The following ADAMTS7 variants were observed in gnomAD, a reference collection of about 807,000 sequenced individuals.
ADAMTS7 encodes the protein A disintegrin and metalloproteinase with thrombospondin motifs 7.
In ADAMTS7, 89 loss-of-function variants were observed where a neutral mutation model predicts 172.6. The observed-to-expected ratio is 0.52, with a 90% CI of 0.43 to 0.61. The LOEUF (loss-of-function observed/expected upper bound fraction) is 0.61, where lower values mean the gene tolerates loss of function less well. ADAMTS7 is among the 20% of genes least tolerant of loss of function. The pLI is 0.00. For synonymous variants in ADAMTS7, 885 were observed against 978.4 expected (o/e 0.90, Z 1.78); for missense variants, 1,973 against 2,355.6 (o/e 0.84, Z 3.36).
intron 13 of ADAMTS7, among the ~76,000 whole-genome samples, chr15:78,773,734 T>C (rs537131019): frequency 2.0e-5 from 3 of 152,210 alleles, no homozygotes; most frequent in African/African-American, 4.8e-5. Flanking sequence ...AGGGCTACTC[T>C]TTGCGGCTCA....
intron 19 of ADAMTS7, 34 bp from the exon 20 acceptor site, chr15:78,764,741 T>G (rs1156748208): frequency 1.1e-5 from 16 of 1,460,444 alleles, no homozygotes; most frequent in South Asian, 2.8e-5. Flanking sequence ...GCCAGGCAGA[T>G]CCCATCCCCG....
intron 23 of ADAMTS7, 144 bp from the exon 24 acceptor site, chr15:78,759,722 AGTTG>A: frequency 9.2e-7 from 1 of 1,088,656 alleles, no homozygotes; most frequent in South Asian, 1.8e-5. Context: ...CCCGAACCGG[AGTTG>A]CAGGTCTCCA....
At chr15:78,773,056 C>T (rs1249985980) in intron 14 of ADAMTS7, 27 bp downstream of exon 14, 1 of 1,457,118 alleles carries the variant, frequency 6.9e-7, no homozygotes, top group Non-Finnish European at 9.4e-7. Flanking sequence ...AGAGCATACC[C>T]CTCCCCACAG....
intron 6 of ADAMTS7, 109 bp from the exon 7 acceptor site, chr15:78,789,947 T>C (rs2055556620): frequency 2.1e-6 from 3 of 1,427,352 alleles, no homozygotes; most frequent in Non-Finnish European, 2.8e-6. Flanking sequence ...GAAAAGGATG[T>C]CTCTCCCACC....
intron 4 of ADAMTS7, among the ~76,000 whole-genome samples, chr15:78,793,352 CTTTTTTTTTTTTTTCTTTTGAGACAGAG>C (rs1567234027): frequency 6.9e-6 from 1 of 144,758 alleles, no homozygotes; most frequent in Non-Finnish European, 1.5e-5. Context: ...TCTGTTTTAC[CTTTTTTTTTTTTTTCTTTTGAGACAGAG>C]TCTCACTTTG....
rs1205778785 is a variant in ADAMTS7, at chr15:78,765,902, G to A, written c.4009C>T (p.Leu1337Phe). Residue 1337 changes from leucine to phenylalanine, a missense_variant, in exon 19 of 24, where the codon CTC (leucine) becomes TTC (phenylalanine). Physicochemically the swap from Leu to Phe is conservative, Grantham distance 22. Around this residue, in one of 8 missense-constraint regions of ADAMTS7, gnomAD observed 771 missense variants for 952.6 expected, o/e 0.81. Coordinates refer to ENST00000388820, the MANE Select transcript of ADAMTS7 (RefSeq NM_014272.5). ...CCGAGGCCAGTCAGGGTTGTGGGGA[G>A]GAAGGTCCCCCACACTGCCACAGTC... ...LQTVAVWGTF[L>F]PTTLTGLGHM... 5 of 1,576,478 alleles carry A rather than the reference G, an allele frequency of 3.2e-6. No individual in the cohort carries two copies. The Admixed American group carries it at 7.3e-5, about 23-fold the overall frequency.
rs767761688 is a variant in ADAMTS7 at position 78,790,810 on chromosome 15, G to A, written c.904-16C>T. The A allele has an allele frequency of 6.2e-6, 10 of 1,612,702 alleles. No homozygotes were observed. Among genetic ancestry groups the A allele is most frequent in the Non-Finnish European group, 8.5e-6 (10 of 1,179,638 alleles). On this transcript the variant is annotated splice_polypyrimidine_tract_variant and intron_variant, in intron 5 of 23. Transcript: ENST00000388820. ...TTAGGTCCTCCTGGGGGCAGAGAGA[G>A]TGACTGCTCATGCCTCCCCTGAGTT...
rs1429535762 is a variant in ADAMTS7, at chr15:78,777,568, A to C, written c.1343T>G (p.Leu448Arg). The C allele has an allele frequency of 6.2e-7, 1 of 1,606,702 alleles. No individual in the cohort carries two copies. The highest frequency in any genetic ancestry group is 1.1e-5 in the South Asian group (1 of 89,540). Residue 448 changes from leucine (L) to arginine (R), a missense_variant, in exon 9 of 24, where the codon CTG (leucine) becomes CGG (arginine). Around this residue, in one of 8 missense-constraint regions of ADAMTS7, gnomAD observed 526 missense variants for 662.9 expected, o/e 0.79. Coordinates refer to ENST00000388820, the MANE Select transcript of ADAMTS7 (RefSeq NM_014272.5). ...AATGTCCTTGGCAGGAGGGTCGTCCAGGCACAGGCCCCACCCACGGCTAAA... is the reference window on the plus strand; with the variant it reads ...AATGTCCTTGGCAGGAGGGTCGTCCCGGCACAGGCCCCACCCACGGCTAAA... The part of the protein sequence containing the change: ...RFLDRGWGLC[L>R]DDPPAKDIID...
In ADAMTS7 at chr15:78,771,525, G is replaced by A. The variant is rs1460651237; in HGVS notation, c.2376+60C>T. ...CTCCAGGACGAGACCTGCCATGGAG[G>A]GTGCTGGGCCTGGGGACTCCGCCTC... is the stretch of plus-strand genomic sequence containing the variant. On this transcript the variant is annotated intron_variant, in intron 15 of 23. Transcript: ENST00000388820. The surrounding 1 kb of genome is among the most constrained non-coding windows in gnomAD (Gnocchi z 4.9). 2.5e-5 allele frequency: 38 copies of A among 1,550,444 alleles called. No homozygotes were observed. The highest frequency in any genetic ancestry group is 3.1e-5 in the Non-Finnish European group (36 of 1,152,824).
At chr15:78,761,911 A>T (rs2055049718) in intron 23 of ADAMTS7, 2 of 985,090 alleles carry the variant, frequency 2.0e-6, no homozygotes, top group South Asian at 9.4e-5. Context: ...CTCAAACCCC[A>T]TTACCTCATT....
intron 7 of ADAMTS7, 36 bp downstream of exon 7, chr15:78,789,653 C>A: frequency 6.2e-7 from 1 of 1,610,096 alleles, no homozygotes; most frequent in Non-Finnish European, 8.5e-7. Context: ...GGGTGAAGCT[C>A]GGCTCTCAGT....
At position 78,773,141 on chromosome 15, in the gene ADAMTS7, G is replaced by A. The variant is rs761571600; in HGVS notation, c.2073C>T (p.His691=). 31 of 1,506,900 alleles carry A rather than the reference G, an allele frequency of 2.1e-5. No homozygotes were observed. The highest frequency in any genetic ancestry group is 1.5e-4 in the African/African-American group (11 of 72,556). The allele number at this position is 1,506,900 out of a possible 1,614,324, so 93.3% of individuals were successfully genotyped here. Residue 691 remains histidine (H), a synonymous_variant, in exon 14 of 24, where the codon CAC becomes CAT. Transcript: ENST00000388820. ...GAMEDRCGVC[H]GNGSTCHTVS... ...CGGTGTGGCAGGTGGAGCCGTTGCC[G>A]TGGCACACACCACAGCGGTCCTCCA...
At chr15:78,805,146 A>C (rs942051667) in intron 1 of ADAMTS7, among the ~76,000 whole-genome samples, 14 of 152,216 alleles carry the variant, frequency 9.2e-5, no homozygotes, top group African/African-American at 3.4e-4. Context: ...GCCAGTTCAG[A>C]GGCTGGCATT....
At chr15:78,805,588 T>C (rs2055777323) in intron 1 of ADAMTS7, among the ~76,000 whole-genome samples, 1 of 152,150 alleles carries the variant, frequency 6.6e-6, no homozygotes, top group African/African-American at 2.4e-5. Flanking sequence ...CAGTAAAGAA[T>C]GGAAAAGTGG....
chr15:78,796,559 C>T lies in ADAMTS7; in HGVS notation c.819+31G>A, dbSNP rs749565713. ...GCACCCCACCCCCCAACACCATCCC[C>T]GCCACCCGCTCCTGGCCCACACAGA... is the stretch of plus-strand genomic sequence containing the variant. On this transcript the variant is annotated intron_variant, in intron 4 of 23. Coordinates refer to ENST00000388820, the MANE Select transcript of ADAMTS7 (RefSeq NM_014272.5). 4.3e-5 allele frequency: 69 copies of T among 1,591,516 alleles called. 1 individual carries two copies. The highest frequency in any genetic ancestry group is 1.7e-4 in the Middle Eastern group (1 of 5,996).
At position 78,766,553 on chromosome 15, in the gene ADAMTS7, T is replaced by G. The variant is rs775952251; in HGVS notation, c.3358A>C (p.Lys1120Gln). Residue 1120 changes from lysine (K) to glutamine (Q), a missense_variant, in exon 19 of 24, where the codon AAG (lysine) becomes CAG (glutamine). Transcript: ENST00000388820. ...PVPATEPPAA[K>Q]EEGVLGPWSP... Reference sequence around the variant, plus strand: ...CAAGGTCCCAGTACCCCCTCCTCCTTGGCTGCAGGAGGCTCTGTGGCAGGC... The same window carrying G: ...CAAGGTCCCAGTACCCCCTCCTCCTGGGCTGCAGGAGGCTCTGTGGCAGGC... The G allele has an allele frequency of 6.2e-7, 1 of 1,600,652 alleles. No homozygotes were observed. The highest frequency in any genetic ancestry group is 8.5e-7 in the Non-Finnish European group (1 of 1,174,164).
At chr15:78,794,429 G>A (rs549838925) in intron 4 of ADAMTS7, among the ~76,000 whole-genome samples, 159 of 152,278 alleles carry the variant, frequency 1.0e-3, no homozygotes, top group Admixed American at 3.5e-3. Flanking sequence ...TGCCATCCCT[G>A]CAGCCTCCTA....
In ADAMTS7 at chr15:78,767,346, C is replaced by A. The variant is rs370308549; in HGVS notation, c.2859+33G>T. The A allele has an allele frequency of 2.5e-6, 4 of 1,607,692 alleles. No individual in the cohort carries two copies. The African/African-American group carries it at 5.3e-5, about 21-fold the overall frequency. On this transcript the variant is annotated intron_variant, in intron 18 of 23. Coordinates refer to ENST00000388820, the MANE Select transcript of ADAMTS7 (RefSeq NM_014272.5). ...CTGTAGCTGAAGACCAAGGGTGGAG[C>A]TGGAGGCGGGCCCCTTCCCATCCCA...
chr15:78,765,895 G>A lies in ADAMTS7; in HGVS notation c.4016C>T (p.Thr1339Ile). 6.3e-7 allele frequency: 1 copy of A among 1,577,066 alleles called. No individual in the cohort carries two copies. The highest frequency in any genetic ancestry group is 8.6e-7 in the Non-Finnish European group (1 of 1,161,746). Residue 1339 changes from threonine (T) to isoleucine (I), a missense_variant, in exon 19 of 24, where the codon ACA becomes ATA. Around this residue, in one of 8 missense-constraint regions of ADAMTS7, gnomAD observed 771 missense variants for 952.6 expected, o/e 0.81. Transcript: ENST00000388820. ...TVAVWGTFLP[T>I]TLTGLGHMPE... ...CATGTGCCCGAGGCCAGTCAGGGTT[G>A]TGGGGAGGAAGGTCCCCCACACTGC...
Sources: allele counts gnomAD v4.1 joint callset (sites outside exome capture counted in the v4.1 genomes callset), GRCh38; gene constraint gnomAD v4.1.1; regional missense constraint gnomAD v4.1.1; non-coding constraint Gnocchi (gnomAD v3.1); transcripts MANE v1.5; gene names NCBI Gene and HGNC (gene_info 2026-07-23, HGNC 2026-07-21).